Variants in SLC39A6 observed in about 807,000 individuals in gnomAD.
SLC39A6 encodes solute carrier family 39 member 6.
Under a neutral mutation model 63.5 loss-of-function variants are expected in SLC39A6, and 51 were observed. The observed-to-expected ratio is 0.80, with a 90% CI of 0.64 to 1.01. The LOEUF (loss-of-function observed/expected upper bound fraction) is 1.01. Ranked by LOEUF, SLC39A6 falls within the 50% of genes least tolerant of loss-of-function variation. The pLI, the probability that SLC39A6 is intolerant of heterozygous loss-of-function variation, is 0.00. For missense variants in SLC39A6, 805 were observed against 927.8 expected (o/e 0.87, Z 1.72); for synonymous variants, 318 against 324.7 (o/e 0.98, Z 0.22).
chr18:36,124,770 CT>C, intron 2 of SLC39A6, 70 bp from the exon 3 acceptor site: 7 of 1,169,278 alleles, frequency 6.0e-6, no homozygotes, highest in Non-Finnish European at 7.0e-6. Context: ...ACACAATACC[CT>C]TTTTTACTAA....
In SLC39A6 at chr18:36,114,404, C is replaced by T. The variant is rs1251114434; in HGVS notation, c.1536G>A (p.Leu512=). Residue 512 remains leucine, a synonymous_variant, in exon 7 of 10, where the codon TTG becomes TTA. Transcript: ENST00000269187. ...SHFDSQQPAV[L]EEEEVMIAHA... is the part of the protein sequence containing the mutation. ...GAGCTATCATGACCTCTTCTTCTTC[C>T]AAGACTGCAGGCTGCTGAGAATCAA... 27 of 1,614,046 alleles carry T rather than the reference C, an allele frequency of 1.7e-5. No homozygotes were observed. In the South Asian group the frequency reaches 2.9e-4, roughly 17 times the overall value.
chr18:36,128,078 C>T (rs1362021580), intron 1 of SLC39A6, among the ~76,000 whole-genome samples: 2 of 152,214 alleles, frequency 1.3e-5, no homozygotes, highest in African/African-American at 4.8e-5. Flanking sequence ...TAATCACAGG[C>T]TGTTAATCAT....
chr18:36,126,738 G>A lies in SLC39A6; in HGVS notation c.270C>T (p.Ile90=), dbSNP rs759209030. ...GATGGTCGTGGTCATGGTGTATATGGATTCTTTTAATCTTATCTATGCCTA... is the reference window on the plus strand; with the variant it reads ...GATGGTCGTGGTCATGGTGTATATGAATTCTTTTAATCTTATCTATGCCTA... The part of the protein sequence containing the change: ...QNIGIDKIKR[I]HIHHDHDHHS... The change falls in exon 2 of 10, where the codon ATC becomes ATT. Residue 90 remains isoleucine, a synonymous_variant. Coordinates refer to ENST00000269187, the MANE Select transcript of SLC39A6 (RefSeq NM_012319.4). The A allele has an allele frequency of 4.3e-6, 7 of 1,614,040 alleles. No homozygotes were observed. Among genetic ancestry groups the A allele is most frequent in the Non-Finnish European group, 5.9e-6 (7 of 1,180,030 alleles).
intron 1 of SLC39A6, among the ~76,000 whole-genome samples, chr18:36,127,699 T>A (rs1166068345): frequency 6.6e-6 from 1 of 151,926 alleles, no homozygotes; most frequent in African/African-American, 2.4e-5. Flanking sequence ...TCCTCAAAGG[T>A]GCTCAATTTT....
At chr18:36,117,303 G>A (rs919633485) in intron 5 of SLC39A6, among the ~76,000 whole-genome samples, 2 of 152,180 alleles carry the variant, frequency 1.3e-5, no homozygotes, top group African/African-American at 2.4e-5. Flanking sequence ...GTAACCACCT[G>A]CCTGGCTTCT....
At chr18:36,125,651 C>T (rs373799064) in intron 2 of SLC39A6, among the ~76,000 whole-genome samples, 26 of 152,146 alleles carry the variant, frequency 1.7e-4, no homozygotes, top group Middle Eastern at 3.4e-3. Flanking sequence ...AGGTGAATTA[C>T]GTACAGTCTG....
At position 36,124,560 on chromosome 18, in the gene SLC39A6, CTT is replaced by C; in HGVS notation, c.928_929del (p.Lys310GlufsTer3). ...AGGTCTTTGGAGGGATTTCAGCCTT[CTT>C]TTCACTTGTATGAATCAGACAAGAT... ...ARSCLIHTSE[K>X]KAEIPPKTYS... is the part of the protein sequence containing the mutation. On this transcript the variant is annotated frameshift_variant, in exon 3 of 10. Transcript: ENST00000269187. LOFTEE classifies it high-confidence loss of function. 1 of 1,573,558 alleles carries C rather than the reference CTT, an allele frequency of 6.4e-7. No homozygotes were observed. Among genetic ancestry groups the C allele is most frequent in the Non-Finnish European group, 8.7e-7 (1 of 1,148,438 alleles).
At chr18:36,111,940 G>A (rs900240935) in intron 8 of SLC39A6, among the ~76,000 whole-genome samples, 1 of 152,172 alleles carries the variant, frequency 6.6e-6, no homozygotes, top group Admixed American at 6.5e-5. Flanking sequence ...GAGATGATCA[G>A]CAAATGATAA....
chr18:36,123,598 A>G lies in SLC39A6; in HGVS notation c.1037T>C (p.Val346Ala). 6.2e-7 allele frequency: 1 copy of G among 1,614,000 alleles called. No individual in the cohort carries two copies. The highest frequency in any genetic ancestry group is 1.3e-5 in the African/African-American group (1 of 75,034). ...SFLSLLGVIL[V>A]PLMNRVFFKF... ...GAAAAACACCCGATTCATGAGAGGC[A>G]CTAAGATAACCCCCAGCAGAGACAG... The change falls in exon 4 of 10, where the codon GTG (valine) becomes GCG (alanine). Residue 346 changes from valine to alanine, a missense_variant. Coordinates refer to ENST00000269187, the MANE Select transcript of SLC39A6 (RefSeq NM_012319.4).
Position 36,124,681 on chromosome 18 carries a change from A to G in SLC39A6, c.809T>C (p.Leu270Pro). The change falls in exon 3 of 10, where the codon CTA becomes CCA. Residue 270 changes from leucine to proline, a missense_variant. Transcript: ENST00000269187. ...NPQECFNASK[L>P]LTSHGMGIQV... is the part of the protein sequence containing the mutation. ...GATGCCCATGCCATGAGATGTCAGTAGCTTTGATGCATTGAAACACTGAAA... is the reference window on the plus strand; with the variant it reads ...GATGCCCATGCCATGAGATGTCAGTGGCTTTGATGCATTGAAACACTGAAA... 6.4e-7 allele frequency: 1 copy of G among 1,554,066 alleles called. No homozygotes were observed. The highest frequency in any genetic ancestry group is 8.8e-7 in the Non-Finnish European group (1 of 1,134,430).
At chr18:36,121,957 A>G in intron 5 of SLC39A6, 95 bp downstream of exon 5, 1 of 897,324 alleles carries the variant, frequency 1.1e-6, no homozygotes, top group Non-Finnish European at 1.7e-6. Flanking sequence ...AATAAAGCTC[A>G]TACAACCTGG....
rs1389543520 is a variant in SLC39A6 at position 36,126,506 on chromosome 18, G to A, written c.502C>T (p.Arg168Ter). 11 of 1,614,076 alleles carry A rather than the reference G, an allele frequency of 6.8e-6. No homozygotes were observed. The highest frequency in any genetic ancestry group is 1.6e-4 in the Middle Eastern group (1 of 6,084). ...CTTCTACCACTGGCATGTTCTGGTC[G>A]GTGAGCTCCTTTCCCCTGGCTGTTT... is the stretch of plus-strand genomic sequence containing the variant. The part of the protein sequence containing the change: ...PRNSQGKGAH[R>*]PEHASGRRNV... Residue 168 changes from arginine (R) to a stop codon, truncating the protein, a stop_gained, in exon 2 of 10, where the codon CGA (arginine) becomes TGA (stop). Transcript: ENST00000269187. LOFTEE classifies it high-confidence loss of function.
Position 36,123,576 on chromosome 18 carries a change from A to G in SLC39A6, c.1059T>C (p.Phe353=). The part of the protein sequence containing the change: ...VILVPLMNRV[F]FKFLLSFLVA... The stretch of plus-strand genomic sequence containing the variant: ...CAAGGAAACTCAGGAGAAATTTGAA[A>G]AACACCCGATTCATGAGAGGCACTA... The change falls in exon 4 of 10, where the codon TTT becomes TTC. Residue 353 remains phenylalanine (F), a synonymous_variant. Transcript: ENST00000269187. 6.2e-7 allele frequency: 1 copy of G among 1,613,930 alleles called. No homozygotes were observed. The highest frequency in any genetic ancestry group is 8.5e-7 in the Non-Finnish European group (1 of 1,179,964).
chr18:36,120,700 C>T (rs779629857), intron 5 of SLC39A6, among the ~76,000 whole-genome samples: 1 of 152,034 alleles, frequency 6.6e-6, no homozygotes, highest in Non-Finnish European at 1.5e-5. Context: ...GCTATGTTGC[C>T]CAGGCTGCTC....
At chr18:36,117,464 C>A (rs2089355446) in intron 5 of SLC39A6, among the ~76,000 whole-genome samples, 1 of 152,182 alleles carries the variant, frequency 6.6e-6, no homozygotes, top group Non-Finnish European at 1.5e-5. Flanking sequence ...ACCCTGAATT[C>A]ATCACTGGGC....
rs887658875 is a variant in SLC39A6 at position 36,119,956 on chromosome 18, T to C, written c.1359+2096A>G. On this transcript the variant is annotated intron_variant, in intron 5 of 9. Transcript: ENST00000269187. ...TTTAGGTAAAATTTGGAAATGAAATTGAAATGAGAATGTTAAATAAATTAT... is the reference window on the plus strand; with the variant it reads ...TTTAGGTAAAATTTGGAAATGAAATCGAAATGAGAATGTTAAATAAATTAT... 2.0e-5 allele frequency among the ~76,000 whole-genome samples: 3 copies of C among 152,046 alleles called. No homozygotes were observed. The East Asian group carries it at 5.8e-4, about 29-fold the overall frequency.
At chr18:36,127,576 C>A (rs2089450180) in intron 1 of SLC39A6, among the ~76,000 whole-genome samples, 1 of 151,754 alleles carries the variant, frequency 6.6e-6, no homozygotes, top group African/African-American at 2.4e-5. Flanking sequence ...AAATAACCTT[C>A]AAACACCAAA....
At chr18:36,122,028 A>C (rs375920941) in intron 5 of SLC39A6, 24 bp downstream of exon 5, 2 of 1,493,312 alleles carry the variant, frequency 1.3e-6, no homozygotes, top group African/African-American at 2.8e-5. Context: ...AAGCATAGTA[A>C]GTACTCGGTA....
At chr18:36,112,454 A>G in intron 8 of SLC39A6, 47 bp downstream of exon 8, 1 of 1,386,198 alleles carries the variant, frequency 7.2e-7, no homozygotes, top group Non-Finnish European at 1.0e-6. Flanking sequence ...CAGTGACACT[A>G]GAACATTTCA....
Sources: gnomAD v4.1 joint callset for allele counts (sites outside exome capture counted in the v4.1 genomes callset) on GRCh38, gnomAD v4.1.1 for gene constraint, MANE v1.5 for transcripts, NCBI Gene and HGNC (gene_info 2026-07-23, HGNC 2026-07-21) for gene names.